The following RGL3 variants were observed in gnomAD, a reference collection of about 807,000 sequenced individuals.
RGL3 encodes ral guanine nucleotide dissociation stimulator-like 3.
A neutral mutation model predicts 90.6 loss-of-function variants in RGL3; 85 were observed. That is an observed-to-expected ratio of 0.94 (90% confidence interval 0.79 to 1.12). The LOEUF is 1.12. Ranked by LOEUF, RGL3 falls within the 50% of genes most tolerant of loss-of-function variation. The probability of loss-of-function intolerance (pLI) is 0.00; values close to 1 mark genes in which losing one functional copy is unlikely to be tolerated. For missense variants in RGL3, 1,034 were observed against 939.2 expected (o/e 1.10, Z -1.32); for synonymous variants, 408 against 385.5 (o/e 1.06, Z -0.68).
chr19:11,402,583 C>A (rs1166537498), intron 10 of RGL3, 42 bp from the exon 11 acceptor site: 1 of 1,611,878 alleles, frequency 6.2e-7, no homozygotes, highest in Admixed American at 1.7e-5. Context: ...CCATTACTGA[C>A]CCCATCACCA....
rs750937247 is a variant in RGL3, at chr19:11,417,078, G to A, written c.148-19C>T. ...TGGGAGCCTGCAGGAGGGGAGAGGT[G>A]GCCATGAGAGAGCAGGAGTGGTCCT... On this transcript the variant is annotated intron_variant, in intron 2 of 18. Coordinates refer to ENST00000380456, the MANE Select transcript of RGL3 (RefSeq NM_001035223.4). 1.6e-5 allele frequency: 25 copies of A among 1,566,320 alleles called. No individual in the cohort carries two copies. The highest frequency in any genetic ancestry group is 1.1e-4 in the Admixed American group (6 of 55,438).
chr19:11,400,211 C>A lies in RGL3; in HGVS notation c.1571G>T (p.Arg524Leu). 6.3e-7 allele frequency: 1 copy of A among 1,587,742 alleles called. No homozygotes were observed. The highest frequency in any genetic ancestry group is 1.1e-5 in the South Asian group (1 of 87,656). ...RIRRRISLTK[R>L]LSAKLAREKS... The stretch of plus-strand genomic sequence containing the variant: ...ACACCCCGAGACTCACGCACTGAGA[C>A]GCTTGGTGAGGCTGATCCGCCGTCG... Residue 524 changes from arginine (R) to leucine (L), a missense_variant, in exon 14 of 19, where the codon CGT (arginine) becomes CTT (leucine). By Grantham distance (102) the Arg-to-Leu change is moderately radical. Transcript: ENST00000380456.
intron 13 of RGL3, among the ~76,000 whole-genome samples, chr19:11,401,395 A>ATTT (rs539872627): frequency 4.4e-5 from 6 of 136,120 alleles, no homozygotes; most frequent in African/African-American, 1.1e-4. Context: ...CATTCAGCTA[A>ATTT]TTTTTTTTTT....
chr19:11,413,511 G>A (rs1246124944), intron 5 of RGL3, among the ~76,000 whole-genome samples: 1 of 143,992 alleles, frequency 6.9e-6, no homozygotes, highest in Non-Finnish European at 1.5e-5. Flanking sequence ...CTCCAGCCTG[G>A]GTGACAGAGC....
At chr19:11,409,482 A>AAAAAC (rs144414086) in intron 5 of RGL3, among the ~76,000 whole-genome samples, 9 of 151,812 alleles carry the variant, frequency 5.9e-5, no homozygotes, top group African/African-American at 1.7e-4. Flanking sequence ...CTCCATCTCA[A>AAAAAC]AAAACAAAAC....
At chr19:11,405,021 T>A in intron 9 of RGL3, 126 bp downstream of exon 9, 1 of 805,596 alleles carries the variant, frequency 1.2e-6, no homozygotes, top group Non-Finnish European at 2.2e-6. Flanking sequence ...AAGGATAAGG[T>A]CATTGCTGAG....
intron 9 of RGL3, among the ~76,000 whole-genome samples, chr19:11,403,324 C>T (rs529791985): frequency 2.2e-4 from 32 of 147,620 alleles, no homozygotes; most frequent in Admixed American, 3.3e-4. Flanking sequence ...CGTGAGCCAC[C>T]GTGCCCGGCC....
rs200695566 is a variant in RGL3 at position 11,402,241 on chromosome 19, G to A, written c.1336C>T (p.Leu446Phe). The change falls in exon 12 of 19, where the codon CTC becomes TTC. Residue 446 changes from leucine (L) to phenylalanine (F), a missense_variant. Coordinates refer to ENST00000380456, the MANE Select transcript of RGL3 (RefSeq NM_001035223.4). ...TALPDMLEGD[L>F]INFEKRRKEW... ...TTCCTCCTCTTCTCAAAGTTAATGAGATCCCCCTGGGGGCAAAGTGTGTCT... is the reference window on the plus strand; with the variant it reads ...TTCCTCCTCTTCTCAAAGTTAATGAAATCCCCCTGGGGGCAAAGTGTGTCT... The A allele has an allele frequency of 1.4e-5, 22 of 1,613,428 alleles. No homozygotes were observed. The highest frequency in any genetic ancestry group is 1.7e-5 in the Non-Finnish European group (20 of 1,179,984).
chr19:11,409,688 C>T (rs897376882), intron 5 of RGL3, among the ~76,000 whole-genome samples: 2 of 152,116 alleles, frequency 1.3e-5, no homozygotes, highest in African/African-American at 2.4e-5. Flanking sequence ...ATGATGTCCC[C>T]AGAACCTATG....
At chr19:11,416,481 G>A (rs763063713) in intron 4 of RGL3, 133 bp downstream of exon 4, 3 of 891,364 alleles carry the variant, frequency 3.4e-6, no homozygotes, top group Non-Finnish European at 3.7e-6. Context: ...TTACAGGCAT[G>A]AGCCACCACG....
chr19:11,399,466 G>C (rs748449457), intron 16 of RGL3, among the ~76,000 whole-genome samples: 1 of 152,170 alleles, frequency 6.6e-6, no homozygotes, highest in African/African-American at 2.4e-5. Context: ...TTGGGAGGCT[G>C]AGGTGGAAGG....
chr19:11,414,473 ATATATATATACACCTT>A (rs1599443577), intron 5 of RGL3, among the ~76,000 whole-genome samples: 4 of 97,606 alleles, frequency 4.1e-5, no homozygotes, highest in Non-Finnish European at 5.9e-5. Context: ...TCATATATAT[ATATATATATACACCTT>A]CATATATATA....
At chr19:11,397,196 C>G (rs371752133) in intron 18 of RGL3, 48 bp downstream of exon 18, 2 of 1,530,312 alleles carry the variant, frequency 1.3e-6, no homozygotes, top group African/African-American at 1.4e-5. Context: ...TCAGTCTGCT[C>G]GCCTCCCCGC....
At chr19:11,397,180 G>A in intron 18 of RGL3, 64 bp downstream of exon 18, 1 of 1,387,714 alleles carries the variant, frequency 7.2e-7, no homozygotes, top group African/African-American at 1.4e-5. Context: ...CCATCCTTGG[G>A]CGTGGTCAGT....
chr19:11,405,336 C>T lies in RGL3; in HGVS notation c.1087G>A (p.Gly363Arg), dbSNP rs144008613. 182 of 1,613,182 alleles carry T rather than the reference C, an allele frequency of 1.1e-4. No individual in the cohort carries two copies. The highest frequency in any genetic ancestry group is 1.4e-4 in the Non-Finnish European group (170 of 1,179,758). The change falls in exon 8 of 19, where the codon GGG becomes AGG. Residue 363 changes from glycine (G) to arginine (R), a missense_variant. Physicochemically the swap from Gly to Arg is moderately radical, Grantham distance 125. Coordinates refer to ENST00000380456, the MANE Select transcript of RGL3 (RefSeq NM_001035223.4). ...GCCCCAGCTCACCGGCTCACTGCCC[C>T]CCAGCTGCGCTTGAGCCGGTAGATG... ...NPIYRLKRSW[G>R]AVSREPLSTF...
At chr19:11,406,911 T>C in intron 5 of RGL3, 47 bp from the exon 6 acceptor site, 1 of 1,574,734 alleles carries the variant, frequency 6.4e-7, no homozygotes, top group Non-Finnish European at 8.7e-7. Flanking sequence ...AATCCAAGAC[T>C]GGCTGTGTGA....
chr19:11,398,695 C>G (rs112315719), intron 16 of RGL3, among the ~76,000 whole-genome samples: 3 of 150,388 alleles, frequency 2.0e-5, no homozygotes, highest in Non-Finnish European at 4.4e-5. Flanking sequence ...TTAGAGGGAG[C>G]CTCGCTCTGT....
At position 11,394,533 on chromosome 19, in the gene RGL3, G is replaced by C; in HGVS notation, c.2015-13C>G. On this transcript the variant is annotated splice_polypyrimidine_tract_variant and intron_variant, in intron 18 of 18. Coordinates refer to ENST00000380456, the MANE Select transcript of RGL3 (RefSeq NM_001035223.4). Reference sequence around the variant, plus strand: ...GGAATCAGGAGCACTGGTCAGGAGTGGAGATGGTGGTAATAGGCCCTCACA... The same window carrying C: ...GGAATCAGGAGCACTGGTCAGGAGTCGAGATGGTGGTAATAGGCCCTCACA... 2 of 1,595,638 alleles carry C rather than the reference G, an allele frequency of 1.3e-6. No individual in the cohort carries two copies. Among genetic ancestry groups the C allele is most frequent in the Non-Finnish European group, 1.7e-6 (2 of 1,163,468 alleles).
At position 11,418,765 on chromosome 19, in the gene RGL3, C is replaced by T. The variant is rs760299838; in HGVS notation, c.53G>A (p.Gly18Asp). 13 of 1,562,984 alleles carry T rather than the reference C, an allele frequency of 8.3e-6. No homozygotes were observed. The highest frequency in any genetic ancestry group is 1.1e-5 in the Non-Finnish European group (13 of 1,158,068). Residue 18 changes from glycine (G) to aspartate (D), a missense_variant, in exon 2 of 19, where the codon GGT becomes GAT. Transcript: ENST00000380456. ...ELALAPLQDW[G>D]EETEDGAVYS... ...CACCGCGCCGTCCTCGGTCTCTTCA[C>T]CCCAGTCCTGCAGCGGTGCCTGGAC...
Sources: allele counts gnomAD v4.1 joint callset (sites outside exome capture counted in the v4.1 genomes callset), GRCh38; gene constraint gnomAD v4.1.1; transcripts MANE v1.5; gene names NCBI Gene and HGNC (gene_info 2026-07-23, HGNC 2026-07-21).